Variants in FHOD3 observed in about 807,000 individuals in gnomAD.
FHOD3 encodes the protein formin homology 2 domain containing 3.
A neutral mutation model predicts 173.0 loss-of-function variants in FHOD3; 90 were observed. That is an observed-to-expected ratio of 0.52 (90% CI 0.44 to 0.62). The LOEUF is 0.62. FHOD3 is among the 20% of genes least tolerant of loss of function. The pLI is 0.00. For synonymous variants in FHOD3, 828 were observed against 823.0 expected (o/e 1.01, Z -0.10); for missense variants, 1,945 against 2,034.7 (o/e 0.96, Z 0.85).
chr18:36,317,346 TA>T (rs1301802242), intron 1 of FHOD3, among the ~76,000 whole-genome samples: 1 of 152,172 alleles, frequency 6.6e-6, no homozygotes, highest in East Asian at 1.9e-4. Flanking sequence ...ACCAACAGAG[TA>T]AAAGTGTTCC....
chr18:36,530,199 C>A (rs958808324), intron 5 of FHOD3, among the ~76,000 whole-genome samples: 3 of 152,122 alleles, frequency 2.0e-5, no homozygotes, highest in Non-Finnish European at 2.9e-5. Flanking sequence ...TAAAGTGAAT[C>A]CTTGTGCACC....
At chr18:36,670,267 T>C (rs2037444090) in intron 14 of FHOD3, among the ~76,000 whole-genome samples, 1 of 152,102 alleles carries the variant, frequency 6.6e-6, no homozygotes. Context: ...TCTGTGTGTT[T>C]ACAGTTTTCA....
chr18:36,695,146 C>T lies in FHOD3; in HGVS notation c.2236+1723C>T, dbSNP rs537654098. Among the ~76,000 whole-genome samples, 7 of 151,582 alleles carry T rather than the reference C, an allele frequency of 4.6e-5. No homozygotes were observed. In the South Asian group the frequency reaches 6.3e-4, roughly 14 times the overall value. On this transcript the variant is annotated intron_variant, in intron 17 of 28. Coordinates refer to ENST00000590592, the MANE Select transcript of FHOD3 (RefSeq NM_001281740.3). ...TCACCTGAGGTCGGGAGTTCAAGAC[C>T]GGCCTGACCAACGTGGAGAAAACCG...
chr18:36,502,070 C>A, intron 4 of FHOD3, 71 bp downstream of exon 4: 1 of 969,900 alleles, frequency 1.0e-6, no homozygotes, highest in Non-Finnish European at 1.5e-6. Flanking sequence ...CAAGCTTCTA[C>A]CTGTACTTGT....
Position 36,681,421 on chromosome 18 carries a change from T to C in FHOD3, c.1836-15T>C. The stretch of plus-strand genomic sequence containing the variant: ...CAGGCCAAGCAACTGAAACATTAAC[T>C]CATTGTATCTCCAGGTCATCACCGA... On this transcript the variant is annotated splice_polypyrimidine_tract_variant and intron_variant, in intron 14 of 28. Coordinates refer to ENST00000590592, the MANE Select transcript of FHOD3 (RefSeq NM_001281740.3). The C allele has an allele frequency of 1.2e-6, 2 of 1,613,414 alleles. No homozygotes were observed. Among genetic ancestry groups the C allele is most frequent in the Non-Finnish European group, 1.7e-6 (2 of 1,179,630 alleles).
intron 6 of FHOD3, among the ~76,000 whole-genome samples, chr18:36,581,710 GCTCT>G (rs1430875638): frequency 6.6e-6 from 1 of 152,100 alleles, no homozygotes; most frequent in Non-Finnish European, 1.5e-5. Context: ...GTGCTCATGC[GCTCT>G]CTCTTTCTCT....
intron 4 of FHOD3, among the ~76,000 whole-genome samples, chr18:36,509,426 C>CAAAAAAAA: frequency 1.3e-3 from 69 of 54,746 alleles, no homozygotes; most frequent in African/African-American, 2.5e-3. Context: ...GACTCCATCT[C>CAAAAAAAA]AAAAAAAAAA....
In FHOD3 at chr18:36,718,579, G is replaced by A. The variant is rs78740177; in HGVS notation, c.3281G>A (p.Arg1094Gln). The change falls in exon 19 of 29, where the codon CGG (arginine) becomes CAG (glutamine). Residue 1094 changes from arginine (R) to glutamine (Q), a missense_variant. This residue lies in a region of FHOD3 where 231 missense variants were observed against 321.9 expected (regional missense o/e 0.72). Coordinates refer to ENST00000590592, the MANE Select transcript of FHOD3 (RefSeq NM_001281740.3). ...KTIRLFWNEVRPFDWPCKNNR... is the reference protein window; with the variant it reads ...KTIRLFWNEVQPFDWPCKNNR... ...ATCCGTTTGTTCTGGAATGAAGTTC[G>A]GCCTTTTGACTGGCCATGTAAAAAC... 3,465 of 1,614,094 alleles carry A rather than the reference G, an allele frequency of 2.1e-3. 28 individuals carry two copies. The Middle Eastern group carries it at 0.025, about 12-fold the overall frequency.
intron 1 of FHOD3, among the ~76,000 whole-genome samples, chr18:36,336,028 C>G (rs1282755260): frequency 6.6e-6 from 1 of 152,218 alleles, no homozygotes; most frequent in African/African-American, 2.4e-5. Flanking sequence ...ACACCACACA[C>G]ATCTGGTGCT....
In FHOD3 at chr18:36,432,298, C is replaced by A. The variant is rs558692425; in HGVS notation, c.337+59554C>A. On this transcript the variant is annotated intron_variant, in intron 3 of 28. Coordinates refer to ENST00000590592, the MANE Select transcript of FHOD3 (RefSeq NM_001281740.3). ...GCTAGTTTAAAGATTTTTTCTTTTGCTCTTTATTTAAAAAAAAATTTAAAT... is the reference window on the plus strand; with the variant it reads ...GCTAGTTTAAAGATTTTTTCTTTTGATCTTTATTTAAAAAAAAATTTAAAT... Among the ~76,000 whole-genome samples, 16 of 151,950 alleles carry A rather than the reference C, an allele frequency of 1.1e-4. No individual in the cohort carries two copies. The East Asian group carries it at 1.9e-3, about 18-fold the overall frequency.
rs1175555123 is a variant in FHOD3, at chr18:36,779,515, G to A, written c.4854G>A (p.Ser1618=). The A allele has an allele frequency of 2.0e-5, 32 of 1,614,120 alleles. No homozygotes were observed. Among genetic ancestry groups the A allele is most frequent in the South Asian group, 5.5e-5 (5 of 91,088 alleles). Residue 1618 remains serine (S), a synonymous_variant, in exon 29 of 29, where the codon TCG becomes TCA. Coordinates refer to ENST00000590592, the MANE Select transcript of FHOD3 (RefSeq NM_001281740.3). ...EARALGLVGT[S]ELQL ...GAGCCCTGGGCTTGGTTGGCACCTC[G>A]GAGTTGCAGCTGTGACACTCATAGG... is the stretch of plus-strand genomic sequence containing the variant.
In FHOD3 at chr18:36,730,631, T is replaced by A. The variant is rs2041309050; in HGVS notation, c.3418-15T>A. On this transcript the variant is annotated splice_polypyrimidine_tract_variant and intron_variant, in intron 19 of 28. Transcript: ENST00000590592. Reference sequence around the variant, plus strand: ...ATGATGCATTAATCTTGGATTCTCCTTTTTTATCACTAAGAAAACTGCTGC... The same window carrying A: ...ATGATGCATTAATCTTGGATTCTCCATTTTTATCACTAAGAAAACTGCTGC... 5 of 1,607,764 alleles carry A rather than the reference T, an allele frequency of 3.1e-6. No homozygotes were observed. The highest frequency in any genetic ancestry group is 1.3e-5 in the African/African-American group (1 of 74,600).
chr18:36,658,789 A>G (rs1018789701), intron 14 of FHOD3, among the ~76,000 whole-genome samples: 1 of 152,258 alleles, frequency 6.6e-6, no homozygotes, highest in Non-Finnish European at 1.5e-5. Flanking sequence ...TTACCCTCAC[A>G]TGGCAAGAGT....
intron 1 of FHOD3, among the ~76,000 whole-genome samples, chr18:36,338,161 A>G (rs1171691188): frequency 6.6e-6 from 1 of 152,212 alleles, no homozygotes; most frequent in African/African-American, 2.4e-5. Context: ...TACAGTTGAA[A>G]CTAAATGAAG....
intron 3 of FHOD3, among the ~76,000 whole-genome samples, chr18:36,387,603 T>G (rs765969283): frequency 6.6e-6 from 1 of 152,224 alleles, no homozygotes; most frequent in Non-Finnish European, 1.5e-5. Context: ...AGTACATATA[T>G]GAAGCAGTTC....
At chr18:36,361,643 G>T (rs923831781) in intron 2 of FHOD3, among the ~76,000 whole-genome samples, 1 of 146,110 alleles carries the variant, frequency 6.8e-6, no homozygotes, top group African/African-American at 2.6e-5. Context: ...CCTAGATCAC[G>T]CAACTGTACT....
chr18:36,482,820 C>A (rs1297043760), intron 3 of FHOD3, among the ~76,000 whole-genome samples: 1 of 113,636 alleles, frequency 8.8e-6, no homozygotes, highest in Non-Finnish European at 1.7e-5. Context: ...ATCCGGTGAA[C>A]AAACACACAC....
chr18:36,570,844 A>G (rs1340451513), intron 5 of FHOD3, among the ~76,000 whole-genome samples: 1 of 152,166 alleles, frequency 6.6e-6, no homozygotes. Flanking sequence ...CTCTTAGCAG[A>G]CTAGAAATTG....
intron 6 of FHOD3, among the ~76,000 whole-genome samples, chr18:36,582,958 T>C (rs986254887): frequency 1.3e-5 from 2 of 152,200 alleles, no homozygotes; most frequent in African/African-American, 4.8e-5. Context: ...TTTTCCCCCA[T>C]TGATTGTGGG....
Sources: allele counts gnomAD v4.1 joint callset (sites outside exome capture counted in the v4.1 genomes callset), GRCh38; gene constraint gnomAD v4.1.1; regional missense constraint gnomAD v4.1.1; transcripts MANE v1.5; gene names NCBI Gene and HGNC (gene_info 2026-07-23, HGNC 2026-07-21).